Variants in ERC2 observed in about 807,000 individuals in gnomAD.
ERC2 encodes the protein ELKS/RAB6-interacting/CAST family member 2, also known as ERC protein 2.
A neutral mutation model predicts 114.8 loss-of-function variants in ERC2; 42 were observed. That is an observed-to-expected ratio of 0.37 (90% CI 0.29 to 0.47). The LOEUF (loss-of-function observed/expected upper bound fraction) is 0.47. Among genes scored for constraint, ERC2 ranks in the 20% least tolerant of loss-of-function variants. The probability of loss-of-function intolerance (pLI) is 0.99; values close to 1 mark genes in which losing one functional copy is unlikely to be tolerated. For missense variants in ERC2, 939 were observed against 1,150.7 expected (o/e 0.82, Z 2.66); for synonymous variants, 454 against 425.5 (o/e 1.07, Z -0.82).
intron 14 of ERC2, among the ~76,000 whole-genome samples, chr3:55,790,657 C>T (rs2069930419): frequency 6.6e-6 from 1 of 152,204 alleles, no homozygotes; most frequent in Non-Finnish European, 1.5e-5. Flanking sequence ...TATTCAAATC[C>T]TTGTCTGAAG....
At chr3:56,096,516 A>C (rs1190039066) in intron 6 of ERC2, among the ~76,000 whole-genome samples, 1 of 152,198 alleles carries the variant, frequency 6.6e-6, no homozygotes, top group African/African-American at 2.4e-5. Flanking sequence ...TGAAGCAAAA[A>C]AAGGGTGAAT....
intron 3 of ERC2, among the ~76,000 whole-genome samples, chr3:56,212,344 A>G (rs934138672): frequency 1.3e-5 from 2 of 152,206 alleles, no homozygotes; most frequent in Non-Finnish European, 2.9e-5. Context: ...CAACAAATAC[A>G]TGAAAAAAAT....
At chr3:55,839,500 T>C (rs1447571845) in intron 14 of ERC2, among the ~76,000 whole-genome samples, 6 of 151,774 alleles carry the variant, frequency 4.0e-5, no homozygotes, top group South Asian at 2.1e-4. Context: ...AAATGTATTG[T>C]GGGGTTAATA....
At position 56,002,967 on chromosome 3, in the gene ERC2, C is replaced by A. The variant is rs578209392; in HGVS notation, c.2061+4214G>T. 5.4e-4 allele frequency: 321 copies of A among 599,514 alleles called. No individual in the cohort carries two copies. In the African/African-American group the frequency reaches 5.6e-3, roughly 11 times the overall value. 37.1% of individuals were successfully genotyped at this position (599,514 alleles called of 1,614,324 possible). ...GCAGTGGCCTCAGCACAGATCATTT[C>A]TTTTGACAGAACGGAAAGGGGAAGA... On this transcript the variant is annotated intron_variant, in intron 10 of 17. Transcript: ENST00000288221.
intron 17 of ERC2, among the ~76,000 whole-genome samples, chr3:55,680,005 C>T (rs1265052326): frequency 6.6e-6 from 1 of 152,172 alleles, no homozygotes; most frequent in African/African-American, 2.4e-5. Flanking sequence ...GGGAGTTCCA[C>T]TGGGCCATCC....
At position 55,952,136 on chromosome 3, in the gene ERC2, A is replaced by AAC. The variant is rs778299355; in HGVS notation, c.2268-1578_2268-1577dup. On this transcript the variant is annotated intron_variant, in intron 12 of 17. Transcript: ENST00000288221. Reference sequence around the variant, plus strand: ...CAACATAGCAAGGCCCCATCTCTAAAACACACACACACACACACACACACA... The same window carrying AAC: ...CAACATAGCAAGGCCCCATCTCTAAAACACACACACACACACACACACACACA... Among the ~76,000 whole-genome samples, 547 of 75,434 alleles carry AAC rather than the reference A, an allele frequency of 7.3e-3. 6 individuals are homozygous for AAC. The highest frequency in any genetic ancestry group is 0.012 in the African/African-American group (288 of 23,414). The allele number at this position is 75,434 out of a possible 152,430, so 49.5% of individuals were successfully genotyped here. A position where few individuals can be genotyped will look rare whatever the true frequency, so the allele number is the denominator to read the frequency against.
chr3:55,951,122 G>A (rs2067471521), intron 12 of ERC2, among the ~76,000 whole-genome samples: 1 of 152,216 alleles, frequency 6.6e-6, no homozygotes, highest in African/African-American at 2.4e-5. Context: ...CCAGGGAAGG[G>A]TGGATGTGGG....
At chr3:56,397,920 G>T (rs1202431914) in intron 2 of ERC2, among the ~76,000 whole-genome samples, 2 of 152,172 alleles carry the variant, frequency 1.3e-5, no homozygotes, top group Non-Finnish European at 2.9e-5. Flanking sequence ...GGCAGCAGAA[G>T]AAGGGGGGAC....
chr3:56,150,148 C>G (rs2081344839), intron 4 of ERC2, among the ~76,000 whole-genome samples: 1 of 152,148 alleles, frequency 6.6e-6, no homozygotes. Context: ...AATGCTAATA[C>G]AGAACAATCT....
At chr3:55,985,089 T>G (rs1180664561) in intron 12 of ERC2, among the ~76,000 whole-genome samples, 1 of 152,216 alleles carries the variant, frequency 6.6e-6, no homozygotes, top group Non-Finnish European at 1.5e-5. Context: ...TTTTTGAAGT[T>G]TAGATAGCCT....
At chr3:55,702,840 A>G (rs1473124321) in intron 15 of ERC2, among the ~76,000 whole-genome samples, 1 of 152,048 alleles carries the variant, frequency 6.6e-6, no homozygotes, top group African/African-American at 2.4e-5. Context: ...AAAACTAAAC[A>G]CCCAGGAAAA....
chr3:55,614,616 T>C (rs1575777279), intron 17 of ERC2, among the ~76,000 whole-genome samples: 1 of 152,310 alleles, frequency 6.6e-6, no homozygotes, highest in Middle Eastern at 3.4e-3. Flanking sequence ...ATCTATTATA[T>C]CATTATATAC....
At chr3:55,576,854 G>T (rs1189445241) in intron 17 of ERC2, among the ~76,000 whole-genome samples, 1 of 152,246 alleles carries the variant, frequency 6.6e-6, no homozygotes, top group East Asian at 1.9e-4. Flanking sequence ...AGGGAGGCTT[G>T]GGGGAGGATC....
intron 9 of ERC2, 120 bp downstream of exon 9, chr3:56,010,329 T>TTAC: frequency 8.1e-7 from 1 of 1,232,036 alleles, no homozygotes; most frequent in African/African-American, 1.5e-5. Context: ...AAAAGAAAGG[T>TTAC]TACTACATTC....
chr3:56,426,525 ATGAC>A (rs1390580366), intron 2 of ERC2, among the ~76,000 whole-genome samples: 3 of 152,198 alleles, frequency 2.0e-5, no homozygotes, highest in Non-Finnish European at 4.4e-5. Context: ...TTTCCTCTAC[ATGAC>A]TGACTTTGGG....
At chr3:55,817,302 T>C (rs79980402) in intron 14 of ERC2, among the ~76,000 whole-genome samples, 3,656 of 152,282 alleles carry the variant, frequency 0.024, 80 homozygotes, top group South Asian at 0.085. Flanking sequence ...TTCCAAGCTT[T>C]TAGTGTTTCA....
intron 12 of ERC2, among the ~76,000 whole-genome samples, chr3:55,985,327 G>A (rs563738782): frequency 5.9e-5 from 9 of 152,256 alleles, no homozygotes; most frequent in African/African-American, 2.2e-4. Flanking sequence ...AATGAATCAG[G>A]TCTTACACTT....
At chr3:55,706,724 T>C (rs996270445) in intron 15 of ERC2, among the ~76,000 whole-genome samples, 5 of 152,178 alleles carry the variant, frequency 3.3e-5, no homozygotes, top group East Asian at 1.9e-4. Flanking sequence ...GGGTCTGTTT[T>C]TGCAAGAATC....
intron 6 of ERC2, among the ~76,000 whole-genome samples, chr3:56,132,823 G>GTA (rs940051862): frequency 2.0e-5 from 3 of 151,950 alleles, no homozygotes; most frequent in Admixed American, 2.0e-4. Flanking sequence ...GTGTATGTTT[G>GTA]TATATATATA....
Sources: allele counts gnomAD v4.1 joint callset (sites outside exome capture counted in the v4.1 genomes callset), GRCh38; gene constraint gnomAD v4.1.1; transcripts MANE v1.5; gene names NCBI Gene and HGNC (gene_info 2026-07-23, HGNC 2026-07-21).